The following SORCS1 variants were observed in gnomAD, a reference collection of about 807,000 sequenced individuals.
SORCS1 encodes VPS10 domain-containing receptor SorCS1.
SORCS1 carries 60 observed loss-of-function variants against 146.1 expected under a neutral mutation model. That is an observed-to-expected ratio of 0.41 (90% CI 0.33 to 0.51). SORCS1 has a LOEUF of 0.51. SORCS1 is among the 20% of genes least tolerant of loss of function. SORCS1 has a pLI of 0.21. For synonymous variants in SORCS1, 637 were observed against 584.0 expected (o/e 1.09, Z -1.31); for missense variants, 1,352 against 1,487.6 (o/e 0.91, Z 1.50).
the SORCS1 span, among the ~76,000 whole-genome samples, chr10:107,177,405 T>G: frequency 6.6e-6 from 1 of 152,222 alleles, no homozygotes; most frequent in Non-Finnish European, 1.5e-5. Flanking sequence ...ATATTGATAT[T>G]ATGACATCTT....
At chr10:106,626,022 G>T (rs945941357) in intron 19 of SORCS1, among the ~76,000 whole-genome samples, 1 of 152,050 alleles carries the variant, frequency 6.6e-6, no homozygotes, top group Non-Finnish European at 1.5e-5. Flanking sequence ...CAGCAAGACC[G>T]GCCCACTCCC....
chr10:106,652,778 A>C (rs1286946335), intron 17 of SORCS1, among the ~76,000 whole-genome samples: 1 of 152,200 alleles, frequency 6.6e-6, no homozygotes, highest in Non-Finnish European at 1.5e-5. Context: ...AGTTTTATTC[A>C]TCTATTAAAT....
chr10:106,794,669 A>G (rs1438862700), intron 3 of SORCS1, among the ~76,000 whole-genome samples: 1 of 151,380 alleles, frequency 6.6e-6, no homozygotes, highest in Non-Finnish European at 1.5e-5. Flanking sequence ...CGCCCGGCTA[A>G]TTTTTCGTGT....
intron 1 of SORCS1, among the ~76,000 whole-genome samples, chr10:107,122,374 T>C (rs1198479269): frequency 1.3e-5 from 2 of 152,196 alleles, no homozygotes; most frequent in African/African-American, 2.4e-5. Flanking sequence ...GAGTAGTAAG[T>C]AGCAAGAGTT....
At chr10:106,615,426 C>T (rs1226417410) in intron 21 of SORCS1, among the ~76,000 whole-genome samples, 1 of 152,178 alleles carries the variant, frequency 6.6e-6, no homozygotes, top group African/African-American at 2.4e-5. Context: ...GTTTACAAAT[C>T]TTCCTGCTTT....
intron 2 of SORCS1, among the ~76,000 whole-genome samples, chr10:106,853,883 C>G (rs1949684766): frequency 6.6e-6 from 1 of 151,976 alleles, no homozygotes; most frequent in Non-Finnish European, 1.5e-5. Context: ...AGTGGTCTGT[C>G]TTAGCAAATT....
In SORCS1 at chr10:107,115,822, TGAGA is replaced by T. The variant is rs964617404; in HGVS notation, c.558+48143_558+48146del. On this transcript the variant is annotated intron_variant, in intron 1 of 25. Transcript: ENST00000263054. The stretch of plus-strand genomic sequence containing the variant: ...CCTAGTGAAAAGGCAGTCCATGGAA[TGAGA>T]GAGAATGTTTGCAAGCTAGCTTTAT... Among the ~76,000 whole-genome samples the T allele has an allele frequency of 9.6e-4, 146 of 152,058 alleles. 2 individuals are homozygous for T. The highest frequency in any genetic ancestry group is 3.4e-3 in the Middle Eastern group (1 of 294).
chr10:106,716,357 C>T (rs1015652536), intron 6 of SORCS1, among the ~76,000 whole-genome samples: 2 of 152,140 alleles, frequency 1.3e-5, no homozygotes, highest in African/African-American at 2.4e-5. Flanking sequence ...ATCAACCAAG[C>T]TCAGTTTTAG....
At chr10:106,806,443 C>T (rs1180485626) in intron 3 of SORCS1, among the ~76,000 whole-genome samples, 1 of 131,722 alleles carries the variant, frequency 7.6e-6, no homozygotes, top group East Asian at 2.0e-4. Context: ...CATGGAGTAG[C>T]GTCTACCTAC....
chr10:106,949,624 A>C (rs891198271), intron 2 of SORCS1, among the ~76,000 whole-genome samples: 3 of 152,228 alleles, frequency 2.0e-5, no homozygotes, highest in African/African-American at 7.2e-5. Context: ...GCTGGCTACC[A>C]ATACAGAATC....
At chr10:107,139,695 T>C (rs1439344750) in intron 1 of SORCS1, among the ~76,000 whole-genome samples, 1 of 152,180 alleles carries the variant, frequency 6.6e-6, no homozygotes, top group Non-Finnish European at 1.5e-5. Flanking sequence ...CCAAACCATA[T>C]CATCTAGTCT....
At chr10:107,078,231 C>T (rs563986223) in intron 1 of SORCS1, among the ~76,000 whole-genome samples, 5 of 152,170 alleles carry the variant, frequency 3.3e-5, no homozygotes, top group African/African-American at 9.6e-5. Context: ...TCTAAGACCA[C>T]GGTGTTAAAT....
At chr10:106,822,787 T>TCTTTGTTTGTTTG (rs1948112330) in intron 3 of SORCS1, among the ~76,000 whole-genome samples, 1 of 139,508 alleles carries the variant, frequency 7.2e-6, no homozygotes, top group African/African-American at 3.2e-5. Context: ...GTGTGGTTTT[T>TCTTTGTTTGTTTG]TTTTTTTTTT....
intron 1 of SORCS1, among the ~76,000 whole-genome samples, chr10:107,024,152 T>C (rs374474277): frequency 1.3e-4 from 16 of 127,264 alleles, no homozygotes; most frequent in African/African-American, 4.8e-4. Context: ...CTAGCCTGGG[T>C]GACAGAGCAA....
chr10:106,798,163 A>C (rs753315370), intron 3 of SORCS1, among the ~76,000 whole-genome samples: 2 of 152,120 alleles, frequency 1.3e-5, no homozygotes, highest in African/African-American at 4.8e-5. Flanking sequence ...GTTTCCCTTC[A>C]TAAGCTCTGT....
At chr10:106,793,087 C>G (rs564419263) in intron 3 of SORCS1, among the ~76,000 whole-genome samples, 58 of 152,258 alleles carry the variant, frequency 3.8e-4, no homozygotes, top group African/African-American at 1.4e-3. Context: ...CTTATTACAA[C>G]AGATAACACC....
At chr10:106,849,062 T>C (rs943084448) in intron 2 of SORCS1, among the ~76,000 whole-genome samples, 97 of 147,424 alleles carry the variant, frequency 6.6e-4, no homozygotes, top group African/African-American at 1.8e-3. Flanking sequence ...CAATTATGTG[T>C]CTTGGAGTTG....
chr10:107,102,485 T>C (rs1243868906), intron 1 of SORCS1, among the ~76,000 whole-genome samples: 1 of 152,234 alleles, frequency 6.6e-6, no homozygotes, highest in African/African-American at 2.4e-5. Context: ...GGATTGTCAG[T>C]GGCTGGCATT....
At chr10:107,004,154 C>A (rs779518838) in intron 1 of SORCS1, among the ~76,000 whole-genome samples, 1 of 118,512 alleles carries the variant, frequency 8.4e-6, no homozygotes, top group African/African-American at 3.4e-5. Context: ...CCAGCCTGGG[C>A]GACAGAGTGT....
Sources: allele counts gnomAD v4.1 joint callset (sites outside exome capture counted in the v4.1 genomes callset), GRCh38; gene constraint gnomAD v4.1.1; transcripts MANE v1.5; gene names NCBI Gene and HGNC (gene_info 2026-07-23, HGNC 2026-07-21).